Variants in GLRB observed in about 807,000 individuals in gnomAD.
GLRB encodes the protein glycine receptor beta, also known as glycine receptor subunit beta.
GLRB carries 33 observed loss-of-function variants against 54.2 expected under a neutral mutation model. The ratio of observed to expected loss-of-function variants is 0.61; its 90% confidence interval spans 0.46 to 0.81. The LOEUF (loss-of-function observed/expected upper bound fraction) is 0.81. Ranked by LOEUF, GLRB falls within the 40% of genes least tolerant of loss-of-function variation. The pLI, the probability that GLRB is intolerant of heterozygous loss-of-function variation, is 0.00. For missense variants in GLRB, 572 were observed against 584.6 expected, an observed-to-expected ratio of 0.98 and a Z score of 0.22; for synonymous variants, 209 against 208.2, an observed-to-expected ratio of 1.00 and a Z score of -0.03.
At chr4:157,078,577 A>G (rs1734123209) in intron 2 of GLRB, among the ~76,000 whole-genome samples, 1 of 152,088 alleles carries the variant, frequency 6.6e-6, no homozygotes, top group African/African-American at 2.4e-5. Context: ...TGTGATCTTA[A>G]GGTCAGTTCA....
intron 2 of GLRB, among the ~76,000 whole-genome samples, chr4:157,082,437 G>A (rs145411035): frequency 6.6e-6 from 1 of 152,186 alleles, no homozygotes; most frequent in African/African-American, 2.4e-5. Context: ...ATAGCTCCTG[G>A]CACAAAATAT....
chr4:157,116,052 TA>T (rs979604358), intron 2 of GLRB, among the ~76,000 whole-genome samples: 3 of 151,074 alleles, frequency 2.0e-5, no homozygotes, highest in South Asian at 2.1e-4. Flanking sequence ...AAGGGTCATG[TA>T]AAAAAAAAGA....
At chr4:157,163,391 C>T (rs57472924) in intron 9 of GLRB, among the ~76,000 whole-genome samples, 6,902 of 152,182 alleles carry the variant, frequency 0.045, 240 homozygotes, top group African/African-American at 0.096. Context: ...CACCCATCTT[C>T]TGCATCACTC....
At chr4:157,136,411 T>G (rs942856314) in intron 4 of GLRB, 58 bp from the exon 5 acceptor site, 20 of 1,014,188 alleles carry the variant, frequency 2.0e-5, no homozygotes, top group Non-Finnish European at 3.1e-5. Context: ...TGGGGCCGAA[T>G]AAGTTCTTAA....
At chr4:157,081,412 G>A (rs544173570) in intron 2 of GLRB, among the ~76,000 whole-genome samples, 5 of 152,126 alleles carry the variant, frequency 3.3e-5, no homozygotes, top group African/African-American at 9.6e-5. Context: ...CAACTTGACC[G>A]TCCCGTCATG....
chr4:157,108,112 A>G (rs1213119641), intron 2 of GLRB, among the ~76,000 whole-genome samples: 8 of 152,068 alleles, frequency 5.3e-5, no homozygotes, highest in Non-Finnish European at 7.4e-5. Context: ...TTCAAACATT[A>G]CTGCTCATTG....
chr4:157,171,692 A>T lies in GLRB; in HGVS notation c.*964A>T, dbSNP rs1267301931. 1 of 152,360 alleles carries T rather than the reference A, an allele frequency of 6.6e-6. No homozygotes were observed. The highest frequency in any genetic ancestry group is 1.9e-4 in the East Asian group (1 of 5,190). 9.4% of individuals were successfully genotyped at this position (152,360 alleles called of 1,614,324 possible). A position where few individuals can be genotyped will look rare whatever the true frequency, so the allele number is the denominator to read the frequency against. Reference sequence around the variant, plus strand: ...ATTAAAATGCTTGCATATTTTAAGTAAAATTAAAAATGTTTACTGAATTTA... The same window carrying T: ...ATTAAAATGCTTGCATATTTTAAGTTAAATTAAAAATGTTTACTGAATTTA... On this transcript the variant is annotated 3_prime_UTR_variant, in exon 10 of 10. Transcript: ENST00000264428.
At chr4:157,095,264 G>A (rs1734763728) in intron 2 of GLRB, among the ~76,000 whole-genome samples, 2 of 146,880 alleles carry the variant, frequency 1.4e-5, no homozygotes, top group African/African-American at 5.0e-5. Context: ...ATGTGCCTTG[G>A]TAGGTCATCA....
Position 157,171,934 on chromosome 4 carries a change from A to C in GLRB, c.*1206A>C, listed in dbSNP as rs1737937428. 2 of 151,802 alleles carry C rather than the reference A, an allele frequency of 1.3e-5. No individual in the cohort carries two copies. Among genetic ancestry groups the C allele is most frequent in the Admixed American group, 1.3e-4 (2 of 15,222 alleles). The allele number at this position is 151,802 out of a possible 1,614,324, so 9.4% of individuals were successfully genotyped here. ...CATTTCTTAATATCACATCCAGTGC[A>C]CCTTTGTCTTTCTGCCATATCTGAA... On this transcript the variant is annotated 3_prime_UTR_variant, in exon 10 of 10. Transcript: ENST00000264428.
At chr4:157,155,446 C>T (rs1010597586) in intron 9 of GLRB, among the ~76,000 whole-genome samples, 4 of 152,116 alleles carry the variant, frequency 2.6e-5, no homozygotes, top group Non-Finnish European at 4.4e-5. Context: ...ATTTCCTTTA[C>T]CCATTTTTGG....
At chr4:157,130,402 C>T (rs1736171897) in intron 4 of GLRB, among the ~76,000 whole-genome samples, 1 of 151,586 alleles carries the variant, frequency 6.6e-6, no homozygotes, top group Non-Finnish European at 1.5e-5. Flanking sequence ...TTTCAGTCTT[C>T]TAGCCAGCCC....
At chr4:157,164,701 T>C (rs1198337473) in intron 9 of GLRB, among the ~76,000 whole-genome samples, 1 of 152,134 alleles carries the variant, frequency 6.6e-6, no homozygotes, top group Non-Finnish European at 1.5e-5. Context: ...GATACCTTAA[T>C]CTATTCCATC....
At position 157,129,614 on chromosome 4, in the gene GLRB, G is replaced by T. The variant is rs537864821; in HGVS notation, c.298-6855G>T. Reference sequence around the variant, plus strand: ...AGAATCTTTGAAGCACTTTCATAATGAAATAAGACATAATAATCAGGATGA... The same window carrying T: ...AGAATCTTTGAAGCACTTTCATAATTAAATAAGACATAATAATCAGGATGA... On this transcript the variant is annotated intron_variant, in intron 4 of 9. Transcript: ENST00000264428. Among the ~76,000 whole-genome samples, 7 of 151,846 alleles carry T rather than the reference G, an allele frequency of 4.6e-5. No individual in the cohort carries two copies. The East Asian group carries it at 1.4e-3, about 30-fold the overall frequency.
chr4:157,161,362 A>T (rs908525481), intron 9 of GLRB, among the ~76,000 whole-genome samples: 78 of 152,264 alleles, frequency 5.1e-4, no homozygotes, highest in Non-Finnish European at 8.4e-4. Flanking sequence ...TGTGAATTTG[A>T]TCCTGTCATT....
At chr4:157,162,234 C>T (rs12650169) in intron 9 of GLRB, among the ~76,000 whole-genome samples, 4 of 152,042 alleles carry the variant, frequency 2.6e-5, no homozygotes, top group East Asian at 1.9e-4. Context: ...CCATTCATCT[C>T]GTCTTTTTTC....
chr4:157,134,136 T>C (rs1395228964), intron 4 of GLRB, among the ~76,000 whole-genome samples: 1 of 152,142 alleles, frequency 6.6e-6, no homozygotes, highest in Non-Finnish European at 1.5e-5. Context: ...CTAGCATTTC[T>C]TTAATTTCTG....
In GLRB at chr4:157,152,751, G is replaced by A; in HGVS notation, c.938G>A (p.Cys313Tyr). 2 of 1,613,658 alleles carry A rather than the reference G, an allele frequency of 1.2e-6. No homozygotes were observed. The highest frequency in any genetic ancestry group is 1.7e-5 in the Admixed American group (1 of 60,004). Residue 313 changes from cysteine to tyrosine, a missense_variant, in exon 9 of 10, where the codon TGC (cysteine) becomes TAC (tyrosine). By Grantham distance (194) the Cys-to-Tyr change is radical. Transcript: ENST00000264428. ...IFSVLSLASECTTLAAELPKV... is the reference protein window; with the variant it reads ...IFSVLSLASEYTTLAAELPKV... ...TCAGTCCTCAGCTTGGCCTCTGAGT[G>A]CACAACCCTTGCCGCTGAGCTTCCC...
At chr4:157,102,350 AC>A (rs1157498482) in intron 2 of GLRB, among the ~76,000 whole-genome samples, 1 of 151,836 alleles carries the variant, frequency 6.6e-6, no homozygotes, top group East Asian at 1.9e-4. Context: ...CATTTTCCCT[AC>A]CCCCAGCCTC....
chr4:157,151,214 A>T (rs538426209), intron 8 of GLRB, among the ~76,000 whole-genome samples: 1 of 152,142 alleles, frequency 6.6e-6, no homozygotes, highest in Non-Finnish European at 1.5e-5. Flanking sequence ...CAAGGAAATA[A>T]GTTAGGCTTG....
Sources: allele counts gnomAD v4.1 joint callset (sites outside exome capture counted in the v4.1 genomes callset), GRCh38; gene constraint gnomAD v4.1.1; transcripts MANE v1.5; gene names NCBI Gene and HGNC (gene_info 2026-07-23, HGNC 2026-07-21).